The following GSE1 variants were observed in gnomAD, a reference collection of about 807,000 sequenced individuals.
The protein encoded by GSE1 is Gse1 coiled-coil protein, also known as genetic suppressor element 1.
GSE1 carries 32 observed loss-of-function variants against 112.6 expected under a neutral mutation model. That is an observed-to-expected ratio of 0.28 (90% CI 0.21 to 0.38). GSE1 has a LOEUF of 0.38. Among genes scored for constraint, GSE1 ranks in the 10% least tolerant of loss-of-function variants. The pLI is 1.00. For synonymous variants in GSE1, 1,115 were observed against 735.6 expected (o/e 1.52, Z -8.35); for missense variants, 2,348 against 1,699.2 (o/e 1.38, Z -6.71).
chr16:85,273,186 G>T (rs1045345884), intron 1 of GSE1, among the ~76,000 whole-genome samples: 2 of 152,188 alleles, frequency 1.3e-5, no homozygotes, highest in African/African-American at 2.4e-5. Context: ...TGGCCTCTCC[G>T]GGCCCTGGTG....
At position 85,182,165 on chromosome 16, in the gene GSE1, G is replaced by A. The variant is rs575303275; in HGVS notation, c.2283+10358G>A. Among the ~76,000 whole-genome samples, 40 of 146,150 alleles carry A rather than the reference G, an allele frequency of 2.7e-4. No individual in the cohort carries two copies. In the East Asian group the frequency reaches 7.2e-3, roughly 26 times the overall value. On this transcript the variant is annotated intron_variant, in intron 1 of 2. Transcript: ENST00000637419. ...TGGGAAGCCCTCCCCCACCCTCCCCGCCCCCCGCTGCCAGGAGTCCGGGTA... is the reference window on the plus strand; with the variant it reads ...TGGGAAGCCCTCCCCCACCCTCCCCACCCCCCGCTGCCAGGAGTCCGGGTA...
chr16:85,504,002 CCCGGGCTGCCGACCCTGCAGAAAAG>C (rs2151917927), intron 2 of GSE1, among the ~76,000 whole-genome samples: 1 of 152,342 alleles, frequency 6.6e-6, no homozygotes, highest in East Asian at 1.9e-4. Context: ...GTCACCGGAG[CCCGGGCTGCCGACCCTGCAGAAAAG>C]CGCCATCCTC....
At chr16:85,294,971 G>T (rs1458279216) in intron 1 of GSE1, among the ~76,000 whole-genome samples, 1 of 151,636 alleles carries the variant, frequency 6.6e-6, no homozygotes, top group East Asian at 1.9e-4. Context: ...GGCTGGTCTC[G>T]AACGTCTCAC....
At chr16:85,355,224 AG>A (rs2046927409) in intron 1 of GSE1, among the ~76,000 whole-genome samples, 2 of 151,640 alleles carry the variant, frequency 1.3e-5, no homozygotes, top group African/African-American at 2.4e-5. Context: ...AATCCCTAAA[AG>A]AAAAAAAAAA....
Position 85,663,450 on chromosome 16 carries a change from C to T in GSE1, c.2480C>T (p.Pro827Leu), listed in dbSNP as rs549856547. Residue 827 changes from proline to leucine, a missense_variant, in exon 11 of 16, where the codon CCG (proline) becomes CTG (leucine). Pro to Leu is a moderately conservative substitution (Grantham distance 98). Coordinates refer to ENST00000253458, the MANE Select transcript of GSE1 (RefSeq NM_014615.5). Reference sequence around the variant, plus strand: ...CGGAGGATGCTGCGAGAGAGAAGCCCGTCGCCCCCAACAATTCAGAGCAAG... The same window carrying T: ...CGGAGGATGCTGCGAGAGAGAAGCCTGTCGCCCCCAACAATTCAGAGCAAG... Reference protein sequence around the residue: ...KRRRMLRERSPSPPTIQSKRQ... With the variant: ...KRRRMLRERSLSPPTIQSKRQ... The T allele has an allele frequency of 3.9e-5, 63 of 1,613,838 alleles. No individual in the cohort carries two copies. The highest frequency in any genetic ancestry group is 5.0e-5 in the Admixed American group (3 of 60,012).
At chr16:85,382,980 C>T (rs1012417687) in intron 2 of GSE1, among the ~76,000 whole-genome samples, 56 of 147,360 alleles carry the variant, frequency 3.8e-4, no homozygotes, top group Non-Finnish European at 6.2e-4. Context: ...CACGCTCACA[C>T]GCACACATGT....
intron 12 of GSE1, 117 bp from the exon 13 acceptor site, chr16:85,665,859 G>T: frequency 2.1e-6 from 2 of 950,350 alleles, no homozygotes; most frequent in East Asian, 2.4e-5. Context: ...CCCGGGTCTT[G>T]GTTCTTTGCG....
intron 1 of GSE1, among the ~76,000 whole-genome samples, chr16:85,601,963 T>TC (rs1355757955): frequency 6.6e-6 from 1 of 152,134 alleles, no homozygotes; most frequent in Non-Finnish European, 1.5e-5. Context: ...AGGTTATTAA[T>TC]CAAGACATTT....
At chr16:85,564,305 C>T (rs1232157919) in intron 1 of GSE1, among the ~76,000 whole-genome samples, 1 of 152,148 alleles carries the variant, frequency 6.6e-6, no homozygotes, top group African/African-American at 2.4e-5. Flanking sequence ...GGAAACTGCT[C>T]TTACAAGACT....
At chr16:85,184,191 C>T (rs1166120568) in intron 1 of GSE1, among the ~76,000 whole-genome samples, 1 of 152,170 alleles carries the variant, frequency 6.6e-6, no homozygotes, top group Non-Finnish European at 1.5e-5. Flanking sequence ...TTGGGAAGGG[C>T]TTCTGGACCC....
At chr16:85,606,843 G>A (rs1005955917), upstream of GSE1, among the ~76,000 whole-genome samples, 7 of 152,206 alleles carry the variant, frequency 4.6e-5, no homozygotes, top group East Asian at 1.9e-4. Flanking sequence ...TGGCAGAAGC[G>A]TCCAAAACTC....
chr16:85,388,694 A>G (rs145967592), intron 2 of GSE1, among the ~76,000 whole-genome samples: 3,145 of 149,156 alleles, frequency 0.021, 110 homozygotes, highest in African/African-American at 0.074. Flanking sequence ...ATGGGTGAGT[A>G]GATGGATGGA....
chr16:85,334,639 T>C (rs763203118), intron 1 of GSE1, among the ~76,000 whole-genome samples: 6 of 152,180 alleles, frequency 3.9e-5, no homozygotes, highest in Non-Finnish European at 8.8e-5. Context: ...AGCCCCTTAT[T>C]GGGGCTATGT....
At chr16:85,594,821 G>A (rs1366548887) in intron 1 of GSE1, 3 of 152,340 alleles carry the variant, frequency 2.0e-5, no homozygotes, top group African/African-American at 4.8e-5. Flanking sequence ...CGTGACTGCT[G>A]GTCATGCCCG....
Position 85,172,187 on chromosome 16 carries a change from G to A in GSE1, c.2283+380G>A, listed in dbSNP as rs534457401. On this transcript the variant is annotated intron_variant, in intron 1 of 2. Coordinates refer to the GSE1 transcript ENST00000637419. ...ACATTGGTAATTAGTCCAGCCGTGC[G>A]GGTCACAGAGAGGTCTCCGTGCTCA... is the stretch of plus-strand genomic sequence containing the variant. Among the ~76,000 whole-genome samples, 15 of 152,300 alleles carry A rather than the reference G, an allele frequency of 9.8e-5. No homozygotes were observed. The East Asian group carries it at 2.3e-3, about 24-fold the overall frequency.
chr16:85,450,563 C>T (rs947329309), intron 2 of GSE1, among the ~76,000 whole-genome samples: 23 of 152,132 alleles, frequency 1.5e-4, no homozygotes, highest in African/African-American at 5.5e-4. Flanking sequence ...AATTCTCTGC[C>T]TCAGCCTCCC....
chr16:85,337,331 A>T (rs1597426859), intron 1 of GSE1, among the ~76,000 whole-genome samples: 1 of 127,712 alleles, frequency 7.8e-6, no homozygotes. Flanking sequence ...TTTGAGACGG[A>T]GTCTCGCTCT....
chr16:85,311,773 C>A lies in GSE1; in HGVS notation c.2284-45690C>A, dbSNP rs1471940773. On this transcript the variant is annotated intron_variant, in intron 1 of 2. Coordinates refer to the GSE1 transcript ENST00000637419. The surrounding 1 kb of genome is among the most constrained non-coding windows in gnomAD (Gnocchi z 4.2). ...GGCTCTCCAGGGACATCTGTCCCAC[C>A]TGCCGATGCCCACATACCACCTTGC... Among the ~76,000 whole-genome samples the A allele has an allele frequency of 2.6e-5, 4 of 152,144 alleles. No individual in the cohort carries two copies. The East Asian group carries it at 7.7e-4, about 29-fold the overall frequency.
chr16:85,519,709 ACTG>A (rs1278436031), intron 2 of GSE1, among the ~76,000 whole-genome samples: 2 of 132,394 alleles, frequency 1.5e-5, no homozygotes, highest in Admixed American at 7.7e-5. Flanking sequence ...AGTCTCCATC[ACTG>A]TCATCATCAT....
Sources: allele counts gnomAD v4.1 joint callset (sites outside exome capture counted in the v4.1 genomes callset), GRCh38; gene constraint gnomAD v4.1.1; non-coding constraint Gnocchi (gnomAD v3.1); transcripts MANE v1.5; gene names NCBI Gene and HGNC (gene_info 2026-07-23, HGNC 2026-07-21).